COL5A2: variants seen among roughly 807,000 people sequenced by gnomAD.
The protein encoded by COL5A2 is collagen alpha-2(V) chain.
Under a neutral mutation model 208.2 loss-of-function variants are expected in COL5A2, and 23 were observed. The ratio of observed to expected loss-of-function variants is 0.11; its 90% CI spans 0.08 to 0.16. The LOEUF (loss-of-function observed/expected upper bound fraction) is 0.16. Among genes scored for constraint, COL5A2 ranks in the 10% least tolerant of loss-of-function variants. The pLI, the probability that COL5A2 is intolerant of heterozygous loss-of-function variation, is 1.00. For missense variants in COL5A2, 1,590 were observed against 1,956.4 expected, an observed-to-expected ratio of 0.81 and a Z score of 3.53; for synonymous variants, 625 against 628.5, an observed-to-expected ratio of 0.99 and a Z score of 0.08.
chr2:189,250,093 C>T, the COL5A2 span, among the ~76,000 whole-genome samples: 1 of 152,144 alleles, frequency 6.6e-6, no homozygotes, highest in Non-Finnish European at 1.5e-5. Context: ...TCATGTCTCC[C>T]ATGAAAATAT....
At chr2:189,207,303 AAAC>A (rs1184925653) in intron 1 of COL5A2, among the ~76,000 whole-genome samples, 1 of 152,182 alleles carries the variant, frequency 6.6e-6, no homozygotes, top group Admixed American at 6.5e-5. Flanking sequence ...AACTTTTACT[AAAC>A]AAAATATTTT....
the COL5A2 span, among the ~76,000 whole-genome samples, chr2:189,301,975 G>A: frequency 6.6e-6 from 1 of 152,036 alleles, no homozygotes; most frequent in Admixed American, 6.6e-5. Flanking sequence ...CAGAATTAAA[G>A]GGGATAATAC....
rs1251846979 is a variant in COL5A2, at chr2:189,039,319, G to A, written c.3878C>T (p.Ala1293Val). ...RSPDGSKKHP[A>V]RTCDDLKLCH... ...AAGCTTTAGGTCATCACACGTGCGG[G>A]CTGGGTGCTTTTTCGAGCCATCGGG... Residue 1293 changes from alanine (A) to valine (V), a missense_variant, in exon 51 of 54, where the codon GCC (alanine) becomes GTC (valine). Transcript: ENST00000374866. The A allele has an allele frequency of 8.1e-6, 13 of 1,614,056 alleles. No individual in the cohort carries two copies. Among genetic ancestry groups the A allele is most frequent in the Non-Finnish European group, 1.1e-5 (13 of 1,180,010 alleles).
chr2:189,127,583 T>C (rs911698224), intron 1 of COL5A2, among the ~76,000 whole-genome samples: 33 of 152,196 alleles, frequency 2.2e-4, no homozygotes, highest in African/African-American at 7.7e-4. Flanking sequence ...ACAATTTCTT[T>C]GATTGTCATG....
chr2:189,190,885 A>C (rs551891495), intron 1 of COL5A2, among the ~76,000 whole-genome samples: 1 of 152,338 alleles, frequency 6.6e-6, no homozygotes, highest in East Asian at 1.9e-4. Context: ...TATGTACAGG[A>C]TATTGTCCTG....
At chr2:189,148,356 A>C (rs574546184) in intron 1 of COL5A2, among the ~76,000 whole-genome samples, 1 of 152,110 alleles carries the variant, frequency 6.6e-6, no homozygotes, top group Non-Finnish European at 1.5e-5. Flanking sequence ...TGACACATGT[A>C]AGAAAAGACA....
the COL5A2 span, among the ~76,000 whole-genome samples, chr2:189,325,481 G>GACACACAC: frequency 6.7e-6 from 1 of 148,910 alleles, no homozygotes; most frequent in African/African-American, 2.5e-5. Context: ...TCCCCAAACA[G>GACACACAC]ACACACACAC....
the COL5A2 span, among the ~76,000 whole-genome samples, chr2:189,418,116 T>C: frequency 6.6e-6 from 1 of 152,060 alleles, no homozygotes; most frequent in African/African-American, 2.4e-5. Flanking sequence ...ATTTATGAAC[T>C]CACCAATAAT....
At chr2:189,395,898 C>CAAAAAAAA in the COL5A2 span, among the ~76,000 whole-genome samples, 1 of 53,184 alleles carries the variant, frequency 1.9e-5, no homozygotes, top group African/African-American at 7.8e-5. Flanking sequence ...GGACACATCT[C>CAAAAAAAA]AAAAAAAAAA....
At chr2:189,441,075 G>A in the COL5A2 span, among the ~76,000 whole-genome samples, 28 of 152,162 alleles carry the variant, frequency 1.8e-4, no homozygotes, top group South Asian at 6.3e-4. Flanking sequence ...GACGCGAGAG[G>A]CTCGCGTCAT....
At chr2:189,288,434 G>A in the COL5A2 span, among the ~76,000 whole-genome samples, 1 of 152,130 alleles carries the variant, frequency 6.6e-6, no homozygotes, top group Admixed American at 6.5e-5. Flanking sequence ...GTAATGTGAT[G>A]ACTATGAATA....
At chr2:189,222,572 G>A (rs1689360711) in intron 1 of COL5A2, among the ~76,000 whole-genome samples, 1 of 152,134 alleles carries the variant, frequency 6.6e-6, no homozygotes, top group South Asian at 2.1e-4. Flanking sequence ...AGAAACAGCT[G>A]TGTACTAGCA....
At chr2:189,405,512 G>T in the COL5A2 span, among the ~76,000 whole-genome samples, 1 of 152,192 alleles carries the variant, frequency 6.6e-6, no homozygotes, top group African/African-American at 2.4e-5. Context: ...TTATAGGTGT[G>T]AGCCACCGTG....
At chr2:189,268,694 C>T in the COL5A2 span, among the ~76,000 whole-genome samples, 3 of 34,772 alleles carry the variant, frequency 8.6e-5, no homozygotes, top group African/African-American at 1.7e-4. Context: ...GTAAAAATCA[C>T]CTCTTTTTAA....
At chr2:189,309,487 C>T in the COL5A2 span, among the ~76,000 whole-genome samples, 1 of 152,192 alleles carries the variant, frequency 6.6e-6, no homozygotes, top group African/African-American at 2.4e-5. Context: ...GCAGACTCCC[C>T]ACCCCAAGGA....
rs1187681684 is a variant in COL5A2, at chr2:189,032,951, T to C, written c.*1119A>G. 6.6e-6 allele frequency: 1 copy of C among 152,626 alleles called. No individual in the cohort carries two copies. The highest frequency in any genetic ancestry group is 1.5e-5 in the Non-Finnish European group (1 of 68,010). The allele number at this position is 152,626 out of a possible 1,614,324, so 9.5% of individuals were successfully genotyped here. A position where few individuals can be genotyped will look rare whatever the true frequency, so the allele number is the denominator to read the frequency against. ...CAGTCTTGGAATAATAACAGAAGCA[T>C]AGCACCTTTCAGTATCTAAAATATA... On this transcript the variant is annotated 3_prime_UTR_variant, in exon 54 of 54. Coordinates refer to ENST00000374866, the MANE Select transcript of COL5A2 (RefSeq NM_000393.5).
At position 189,039,400 on chromosome 2, in the gene COL5A2, G is replaced by A. The variant is rs2153506510; in HGVS notation, c.3797C>T (p.Pro1266Leu). ...AAPDDKNKTDPGVHATLKSLS... is the reference protein window; with the variant it reads ...AAPDDKNKTDLGVHATLKSLS... ...TGACTTCAGGGTAGCATGAACCCCT[G>A]GGTCCGTTTTGTTTTTGTCATCAGG... Residue 1266 changes from proline to leucine, a missense_variant, in exon 51 of 54, where the codon CCA becomes CTA. Physicochemically the swap from Pro to Leu is moderately conservative, Grantham distance 98. Transcript: ENST00000374866. 1 of 1,613,970 alleles carries A rather than the reference G, an allele frequency of 6.2e-7. No individual in the cohort carries two copies. Among genetic ancestry groups the A allele is most frequent in the Non-Finnish European group, 8.5e-7 (1 of 1,179,986 alleles).
chr2:189,371,545 G>A, the COL5A2 span, among the ~76,000 whole-genome samples: 1 of 152,182 alleles, frequency 6.6e-6, no homozygotes, highest in African/African-American at 2.4e-5. Context: ...AATTTATTGG[G>A]AACTGGAGTC....
intron 1 of COL5A2, among the ~76,000 whole-genome samples, chr2:189,160,722 T>C (rs1009950696): frequency 2.0e-5 from 3 of 152,168 alleles, no homozygotes; most frequent in African/African-American, 7.2e-5. Context: ...CCTTCCATTC[T>C]ATGCTCTAAG....
Sources: allele counts gnomAD v4.1 joint callset (sites outside exome capture counted in the v4.1 genomes callset), GRCh38; gene constraint gnomAD v4.1.1; transcripts MANE v1.5; gene names NCBI Gene and HGNC (gene_info 2026-07-23, HGNC 2026-07-21).